PICK1: variants seen among roughly 807,000 people sequenced by gnomAD.
PICK1 encodes PRKCA-binding protein.
In PICK1, 23 loss-of-function variants were observed where a neutral mutation model predicts 48.9. The observed-to-expected ratio is 0.47, with a 90% CI of 0.34 to 0.67. The LOEUF is 0.67. Among genes scored for constraint, PICK1 ranks in the 30% least tolerant of loss-of-function variants. PICK1 has a pLI of 0.01. For missense variants in PICK1, 423 were observed against 557.1 expected (o/e 0.76, Z 2.42); for synonymous variants, 217 against 228.2 (o/e 0.95, Z 0.44).
At chr22:38,070,917 G>GC in intron 7 of PICK1, 26 bp downstream of exon 7, 2 of 1,600,688 alleles carry the variant, frequency 1.2e-6, no homozygotes, top group Non-Finnish European at 1.7e-6. Flanking sequence ...CCTCGTCCTG[G>GC]CACTAGCTCT....
chr22:38,060,579 G>C (rs567499764), intron 3 of PICK1, among the ~76,000 whole-genome samples: 1 of 152,094 alleles, frequency 6.6e-6, no homozygotes, highest in Non-Finnish European at 1.5e-5. Flanking sequence ...TGCTCACAGT[G>C]CTGCCTCCTT....
chr22:38,067,848 C>T, intron 5 of PICK1, 78 bp downstream of exon 5: 1 of 1,125,658 alleles, frequency 8.9e-7, no homozygotes. Flanking sequence ...GTGCCACAGC[C>T]AGCCCTGCCC....
chr22:38,070,218 G>C (rs2085643633), intron 6 of PICK1, among the ~76,000 whole-genome samples: 1 of 152,230 alleles, frequency 6.6e-6, no homozygotes, highest in Non-Finnish European at 1.5e-5. Context: ...GAGAGCACCT[G>C]ACTGCCCCAC....
intron 8 of PICK1, 110 bp downstream of exon 8, chr22:38,071,854 G>C (rs1601956006): frequency 1.1e-6 from 1 of 915,540 alleles, no homozygotes; most frequent in African/African-American, 1.6e-5. Context: ...GCTCCCTCTG[G>C]GCTGGGCCTG....
At chr22:38,065,188 C>CA in intron 4 of PICK1, 58 bp downstream of exon 4, 2 of 1,564,612 alleles carry the variant, frequency 1.3e-6, no homozygotes. Flanking sequence ...CTGAGACCTC[C>CA]AGGCTGCCAG....
chr22:38,072,589 G>C lies in PICK1; in HGVS notation c.669G>C (p.Arg223=), dbSNP rs144781119. Reference sequence around the variant, plus strand: ...GCAGCATCGAGAAGTTCGGCATTCGGCTTCTGAAAACCATCAAGCCGGTAG... The same window carrying C: ...GCAGCATCGAGAAGTTCGGCATTCGCCTTCTGAAAACCATCAAGCCGGTAG... ...AHRSIEKFGI[R]LLKTIKPMLT... Residue 223 remains arginine, a synonymous_variant, in exon 9 of 13, where the codon CGG becomes CGC. Transcript: ENST00000356976. The C allele has an allele frequency of 4.7e-5, 76 of 1,613,300 alleles. 1 individual carries two copies. The African/African-American group carries it at 9.2e-4, about 20-fold the overall frequency.
intron 3 of PICK1, among the ~76,000 whole-genome samples, chr22:38,061,114 G>A (rs1417624340): frequency 6.6e-6 from 1 of 152,026 alleles, no homozygotes; most frequent in African/African-American, 2.4e-5. Flanking sequence ...GGCTGAGGTG[G>A]GCAGATCACC....
intron 3 of PICK1, among the ~76,000 whole-genome samples, chr22:38,063,260 G>C (rs943271112): frequency 6.6e-6 from 1 of 151,592 alleles, no homozygotes; most frequent in Non-Finnish European, 1.5e-5. Context: ...GGGCTCAAGC[G>C]ATCCTCCCAC....
In PICK1 at chr22:38,066,111, C is replaced by G. The variant is rs1479632133; in HGVS notation, c.282+981C>G. ...ATCCTGCACATTCTCCTATTCCAGC[C>G]CCTTTAGCCATAGGACAAATCAGGG... On this transcript the variant is annotated intron_variant, in intron 4 of 12. Coordinates refer to ENST00000356976, the MANE Select transcript of PICK1 (RefSeq NM_012407.4). This position sits in a 1 kb window ranked among gnomAD's most constrained non-coding sequence, Gnocchi z 4.1. 6.6e-6 allele frequency among the ~76,000 whole-genome samples: 1 copy of G among 152,196 alleles called. No homozygotes were observed. The highest frequency in any genetic ancestry group is 1.5e-5 in the Non-Finnish European group (1 of 68,032).
chr22:38,057,627 C>T, intron 1 of PICK1, 40 bp downstream of exon 1: 1 of 514,200 alleles, frequency 1.9e-6, no homozygotes, highest in Non-Finnish European at 3.3e-6. Context: ...GGAGACTGTC[C>T]CATCCCACTC....
At chr22:38,071,985 A>C in intron 8 of PICK1, 2 of 572,530 alleles carry the variant, frequency 3.5e-6, no homozygotes, top group Non-Finnish European at 3.1e-6. Context: ...GGCAGTACAC[A>C]AGGCCCTTGC....
Position 38,075,041 on chromosome 22 carries a change from A to G in PICK1, c.1157A>G (p.Glu386Gly). The change falls in exon 13 of 13, where the codon GAG (glutamate) becomes GGG (glycine). Residue 386 changes from glutamate to glycine, a missense_variant. Physicochemically the swap from Glu to Gly is moderately conservative, Grantham distance 98. Around this residue, in one of 2 missense-constraint regions of PICK1, gnomAD observed 144 missense variants for 139.3 expected, o/e 1.03. Coordinates refer to ENST00000356976, the MANE Select transcript of PICK1 (RefSeq NM_012407.4). ...TTCACAGATGGGGAGGAGGAGGAGG[A>G]GGAGGAAGACACGGCAGCTGGGGAG... ...EEFTDGEEEE[E>G]EEDTAAGEPS... 1 of 1,613,266 alleles carries G rather than the reference A, an allele frequency of 6.2e-7. No individual in the cohort carries two copies. Among genetic ancestry groups the G allele is most frequent in the African/African-American group, 1.3e-5 (1 of 75,032 alleles).
chr22:38,064,400 A>G (rs927611905), intron 3 of PICK1, among the ~76,000 whole-genome samples: 3 of 152,038 alleles, frequency 2.0e-5, no homozygotes, highest in Non-Finnish European at 4.4e-5. Flanking sequence ...TGTCAACTTC[A>G]TTTTTCACAT....
At chr22:38,057,943 A>C in intron 2 of PICK1, 93 bp downstream of exon 2, 23 of 1,020,160 alleles carry the variant, frequency 2.3e-5, no homozygotes, top group Non-Finnish European at 3.4e-5. Flanking sequence ...CTTGCTTCTC[A>C]GCGGTGGATC....
At chr22:38,058,453 G>C (rs767111658) in intron 2 of PICK1, among the ~76,000 whole-genome samples, 2 of 152,188 alleles carry the variant, frequency 1.3e-5, no homozygotes, top group Non-Finnish European at 2.9e-5. Flanking sequence ...GAGGTGGACA[G>C]TTTAATAGAG....
chr22:38,075,461 G>GAT lies in PICK1; in HGVS notation c.*329_*330insAT. On this transcript the variant is annotated 3_prime_UTR_variant, in exon 13 of 13. Transcript: ENST00000356976. ...GGACTTGGAGGTGGCAGGAGTCCGA[G>GAT]CCCTGCTCCTTGTGGGCGCTCACAC... The GAT allele has an allele frequency of 1.6e-5, 5 of 306,496 alleles. No individual in the cohort carries two copies. The highest frequency in any genetic ancestry group is 6.3e-5 in the South Asian group (1 of 15,916). 19.0% of individuals were successfully genotyped at this position (306,496 alleles called of 1,614,324 possible). A position where few individuals can be genotyped will look rare whatever the true frequency, so the allele number is the denominator to read the frequency against.
chr22:38,074,816 C>T lies in PICK1; in HGVS notation c.980-48C>T. The T allele has an allele frequency of 1.2e-6, 2 of 1,600,928 alleles. No homozygotes were observed. Among genetic ancestry groups the T allele is most frequent in the Non-Finnish European group, 8.5e-7 (1 of 1,178,788 alleles). Reference sequence around the variant, plus strand: ...GGCTGGGAGAGTCTCCTCCCTGAGGCAGGCAGCCAGAGCCCACTGCAGCCT... The same window carrying T: ...GGCTGGGAGAGTCTCCTCCCTGAGGTAGGCAGCCAGAGCCCACTGCAGCCT... On this transcript the variant is annotated intron_variant, in intron 12 of 12. Coordinates refer to ENST00000356976, the MANE Select transcript of PICK1 (RefSeq NM_012407.4). The surrounding 1 kb of genome is among the most constrained non-coding windows in gnomAD (Gnocchi z 4.5).
rs543166038 is a variant in PICK1 at position 38,065,659 on chromosome 22, A to G, written c.282+529A>G. On this transcript the variant is annotated intron_variant, in intron 4 of 12. Coordinates refer to ENST00000356976, the MANE Select transcript of PICK1 (RefSeq NM_012407.4). Reference sequence around the variant, plus strand: ...CAGGCCAGCTGATCTTCTGCTCTACAGACCAGAGTCACACACTGCCTGCCC... The same window carrying G: ...CAGGCCAGCTGATCTTCTGCTCTACGGACCAGAGTCACACACTGCCTGCCC... Among the ~76,000 whole-genome samples the G allele has an allele frequency of 1.8e-4, 28 of 152,090 alleles. 1 individual carries two copies. Among genetic ancestry groups the G allele is most frequent in the Admixed American group, 1.6e-3 (25 of 15,292 alleles).
chr22:38,065,279 G>C, intron 4 of PICK1, 149 bp downstream of exon 4: 1 of 753,052 alleles, frequency 1.3e-6, no homozygotes, highest in Non-Finnish European at 2.3e-6. Flanking sequence ...TCACACTCCA[G>C]CCTCCCTCAT....
Sources: gnomAD v4.1 joint callset for allele counts (sites outside exome capture counted in the v4.1 genomes callset) on GRCh38, gnomAD v4.1.1 for gene constraint, gnomAD v4.1.1 regional missense constraint, Gnocchi (gnomAD v3.1) non-coding constraint, MANE v1.5 for transcripts, NCBI Gene and HGNC (gene_info 2026-07-23, HGNC 2026-07-21) for gene names.